The following ADAM32 variants were observed in gnomAD, a reference collection of about 807,000 sequenced individuals.
The protein encoded by ADAM32 is ADAM metallopeptidase domain 32.
A neutral mutation model predicts 114.9 loss-of-function variants in ADAM32; 89 were observed. That is an observed-to-expected ratio of 0.77 (90% CI 0.65 to 0.92). ADAM32 has a LOEUF of 0.92. Ranked by LOEUF, ADAM32 falls within the 40% of genes least tolerant of loss-of-function variation. The pLI is 0.00. For synonymous variants in ADAM32, 285 were observed against 307.5 expected (o/e 0.93, Z 0.77); for missense variants, 870 against 932.8 (o/e 0.93, Z 0.88).
chr8:39,158,552 C>A, intron 6 of ADAM32: 1 of 347,612 alleles, frequency 2.9e-6, no homozygotes. Flanking sequence ...TCATGCCAGC[C>A]TTGTATCCCA....
chr8:39,180,121 G>T (rs1805759076), intron 10 of ADAM32, among the ~76,000 whole-genome samples: 1 of 152,330 alleles, frequency 6.6e-6, no homozygotes, highest in South Asian at 2.1e-4. Context: ...GGAGGGAGAG[G>T]CGCGAGTGGG....
At chr8:39,255,429 A>C (rs1262617591) in intron 18 of ADAM32, among the ~76,000 whole-genome samples, 1 of 151,860 alleles carries the variant, frequency 6.6e-6, no homozygotes, top group Non-Finnish European at 1.5e-5. Flanking sequence ...TTCTTGCAGG[A>C]GTAAGGTGGT....
chr8:39,218,226 C>A (rs547984282), intron 12 of ADAM32, among the ~76,000 whole-genome samples: 1 of 152,246 alleles, frequency 6.6e-6, no homozygotes, highest in East Asian at 1.9e-4. Flanking sequence ...AATGGAATTT[C>A]TCTTTCTTTC....
At chr8:39,261,110 A>G (rs1447012716) in intron 19 of ADAM32, among the ~76,000 whole-genome samples, 1 of 152,116 alleles carries the variant, frequency 6.6e-6, no homozygotes, top group African/African-American at 2.4e-5. Context: ...TTGAAACTAT[A>G]TATTATTGTT....
At chr8:39,148,178 A>C (rs989812904) in intron 4 of ADAM32, among the ~76,000 whole-genome samples, 1 of 152,096 alleles carries the variant, frequency 6.6e-6, no homozygotes, top group Non-Finnish European at 1.5e-5. Flanking sequence ...GCTTCCCACC[A>C]CTTACAGAGT....
chr8:39,223,212 C>T lies in ADAM32; in HGVS notation c.1499C>T (p.Ala500Val), dbSNP rs751583001. 6.3e-7 allele frequency: 1 copy of T among 1,593,646 alleles called. No individual in the cohort carries two copies. ...GACGGAGACTGCCATGATCTCGATG[C>T]ACGTTGTGAGAGTGTATTTGGAAAA... ...CYDGDCHDLD[A>V]RCESVFGKGS... The change falls in exon 14 of 25, where the codon GCA (alanine) becomes GTA (valine). Residue 500 changes from alanine (A) to valine (V), a missense_variant. Coordinates refer to ENST00000379907, the MANE Select transcript of ADAM32 (RefSeq NM_145004.7).
intron 10 of ADAM32, among the ~76,000 whole-genome samples, chr8:39,173,731 T>A (rs954896685): frequency 2.0e-5 from 3 of 152,224 alleles, no homozygotes; most frequent in African/African-American, 7.2e-5. Flanking sequence ...TCATGAAATC[T>A]TTTCCCATGC....
At chr8:39,271,092 A>G (rs1311546780) in intron 20 of ADAM32, among the ~76,000 whole-genome samples, 178 bp downstream of exon 20, 1 of 152,222 alleles carries the variant, frequency 6.6e-6, no homozygotes, top group Non-Finnish European at 1.5e-5. Flanking sequence ...TCTTCATTTA[A>G]TAAATGTTTA....
intron 4 of ADAM32, among the ~76,000 whole-genome samples, chr8:39,149,513 T>C (rs935293777): frequency 2.0e-5 from 3 of 152,196 alleles, no homozygotes; most frequent in African/African-American, 2.4e-5. Flanking sequence ...TCTAAATTTA[T>C]GTACTGGAAG....
chr8:39,160,925 C>A lies in ADAM32; in HGVS notation c.554C>A (p.Pro185His), dbSNP rs1479601923. 1.3e-6 allele frequency: 2 copies of A among 1,598,014 alleles called. No individual in the cohort carries two copies. The highest frequency in any genetic ancestry group is 3.5e-5 in the Admixed American group (2 of 57,600). Residue 185 changes from proline (P) to histidine (H), a missense_variant, in exon 7 of 25, where the codon CCT becomes CAT. Transcript: ENST00000379907. ...GAACCAGCTGTTCCAGATTTATTTC[C>A]TCTTTATCTAGAAATGCATATTGTG... ...KSEPAVPDLF[P>H]LYLEMHIVVD...
chr8:39,264,845 T>C (rs1288733510), intron 19 of ADAM32, among the ~76,000 whole-genome samples: 3 of 152,168 alleles, frequency 2.0e-5, no homozygotes, highest in Non-Finnish European at 4.4e-5. Flanking sequence ...AATTTCTACG[T>C]GATTGTATGG....
At chr8:39,181,912 A>T (rs577276759) in intron 10 of ADAM32, among the ~76,000 whole-genome samples, 1 of 152,354 alleles carries the variant, frequency 6.6e-6, no homozygotes, top group African/African-American at 2.4e-5. Flanking sequence ...AGTGTGAAAC[A>T]TAAGAATGAG....
intron 6 of ADAM32, among the ~76,000 whole-genome samples, chr8:39,156,959 A>G (rs1804190532): frequency 1.3e-5 from 2 of 152,204 alleles, no homozygotes; most frequent in Admixed American, 6.5e-5. Flanking sequence ...CATTTGGCCT[A>G]TAATAAGCAG....
chr8:39,125,979 C>T (rs563877235), intron 2 of ADAM32, among the ~76,000 whole-genome samples: 7 of 152,148 alleles, frequency 4.6e-5, no homozygotes, highest in Admixed American at 2.6e-4. Flanking sequence ...TGTAGGCATG[C>T]GGTCTTATTT....
intron 10 of ADAM32, among the ~76,000 whole-genome samples, chr8:39,177,803 A>C (rs555429832): frequency 2.6e-5 from 4 of 152,312 alleles, no homozygotes; most frequent in Admixed American, 1.3e-4. Context: ...TTCTGGGTTG[A>C]AAATTCTTTT....
intron 3 of ADAM32, among the ~76,000 whole-genome samples, chr8:39,144,635 T>C (rs1564478143): frequency 7.3e-6 from 1 of 137,896 alleles, no homozygotes; most frequent in Non-Finnish European, 1.5e-5. Flanking sequence ...CTCTGCAAAT[T>C]AGGCCTAGAA....
At chr8:39,108,867 C>G (rs1439900515) in intron 1 of ADAM32, among the ~76,000 whole-genome samples, 1 of 152,102 alleles carries the variant, frequency 6.6e-6, no homozygotes, top group Non-Finnish European at 1.5e-5. Flanking sequence ...CTTCTCCCTG[C>G]GTACTCACAG....
chr8:39,249,263 T>C (rs2129450228), intron 17 of ADAM32, among the ~76,000 whole-genome samples: 1 of 152,290 alleles, frequency 6.6e-6, no homozygotes, highest in East Asian at 1.9e-4. Context: ...GATAATGTGA[T>C]TTTTCTTCTT....
intron 10 of ADAM32, 30 bp downstream of exon 10, chr8:39,170,027 A>G (rs776358064): frequency 3.5e-6 from 5 of 1,447,402 alleles, no homozygotes; most frequent in Non-Finnish European, 4.8e-6. Flanking sequence ...TATTTTTTAA[A>G]TTAACACGTT....
Sources: gnomAD v4.1 joint callset for allele counts (sites outside exome capture counted in the v4.1 genomes callset) on GRCh38, gnomAD v4.1.1 for gene constraint, MANE v1.5 for transcripts, NCBI Gene and HGNC (gene_info 2026-07-23, HGNC 2026-07-21) for gene names.